CTNNBL1: variants seen among roughly 807,000 people sequenced by gnomAD.
CTNNBL1 encodes beta-catenin-like protein 1.
In CTNNBL1, 31 loss-of-function variants were observed where a neutral mutation model predicts 72.7. The ratio of observed to expected loss-of-function variants is 0.43; its 90% CI spans 0.32 to 0.58. The LOEUF (loss-of-function observed/expected upper bound fraction) is 0.58. CTNNBL1 is among the 20% of genes least tolerant of loss of function. The pLI is 0.08. For missense variants in CTNNBL1, 534 were observed against 725.1 expected (o/e 0.74, Z 3.03); for synonymous variants, 240 against 267.3 (o/e 0.90, Z 1.00).
intron 11 of CTNNBL1, among the ~76,000 whole-genome samples, chr20:37,815,103 G>GTGTT (rs1568793184): frequency 6.6e-6 from 1 of 151,784 alleles, no homozygotes; most frequent in Non-Finnish European, 1.5e-5. Flanking sequence ...GTGTGTGTGT[G>GTGTT]TGTAATTTTG....
In CTNNBL1 at chr20:37,788,198, C is replaced by G. The variant is rs562237291; in HGVS notation, c.1031+8863C>G. Among the ~76,000 whole-genome samples the G allele has an allele frequency of 5.3e-5, 8 of 152,316 alleles. No individual in the cohort carries two copies. In the East Asian group the frequency reaches 1.5e-3, roughly 29 times the overall value. ...ATCCTTTGCTGCCTCTGTCAGAGCA[C>G]TTTCTGCACCATGCATGGTAAGTTG... is the stretch of plus-strand genomic sequence containing the variant. On this transcript the variant is annotated intron_variant, in intron 10 of 15. Coordinates refer to ENST00000361383, the MANE Select transcript of CTNNBL1 (RefSeq NM_030877.5).
rs554958069 is a variant in CTNNBL1 at position 37,720,411 on chromosome 20, G to A, written c.31-12468G>A. Among the ~76,000 whole-genome samples the A allele has an allele frequency of 2.0e-5, 3 of 152,112 alleles. No homozygotes were observed. The East Asian group carries it at 5.8e-4, about 29-fold the overall frequency. ...TAGGCTATTGCAATCCTCTTGCTTT[G>A]GCCTCCCAGATTGCTAAGATTACTG... On this transcript the variant is annotated intron_variant, in intron 1 of 15. Coordinates refer to ENST00000361383, the MANE Select transcript of CTNNBL1 (RefSeq NM_030877.5).
chr20:37,863,052 A>C (rs1322764694), intron 15 of CTNNBL1, among the ~76,000 whole-genome samples: 2 of 152,202 alleles, frequency 1.3e-5, no homozygotes, highest in Non-Finnish European at 2.9e-5. Flanking sequence ...AATGCCAAGC[A>C]AATAATGGGA....
intron 10 of CTNNBL1, among the ~76,000 whole-genome samples, chr20:37,795,203 C>T (rs369336479): frequency 1.2e-3 from 187 of 150,968 alleles, no homozygotes; most frequent in African/African-American, 4.4e-3. Context: ...GATGCAGTCT[C>T]AGCTCACTGA....
rs1163447104 is a variant in CTNNBL1, at chr20:37,805,396, GT to G, written c.1213+2359del. On this transcript the variant is annotated intron_variant, in intron 11 of 15. Coordinates refer to ENST00000361383, the MANE Select transcript of CTNNBL1 (RefSeq NM_030877.5). ...TCCTTAGTCCTTAGTTTTGTTTTTT[GT>G]TTTTTTTTTTCCTTTTTTTTTTTTT... 3.4e-3 allele frequency among the ~76,000 whole-genome samples: 451 copies of G among 132,078 alleles called. 4 individuals are homozygous for G. The highest frequency in any genetic ancestry group is 0.011 in the African/African-American group (384 of 35,416). 86.6% of individuals were successfully genotyped at this position (132,078 alleles called of 152,430 possible). A position where few individuals can be genotyped will look rare whatever the true frequency, so the allele number is the denominator to read the frequency against.
chr20:37,735,066 G>A (rs2073160468), intron 2 of CTNNBL1, among the ~76,000 whole-genome samples: 1 of 152,244 alleles, frequency 6.6e-6, no homozygotes, highest in Non-Finnish European at 1.5e-5. Context: ...CTAGTGGTAT[G>A]TTGGGTACAT....
intron 15 of CTNNBL1, among the ~76,000 whole-genome samples, chr20:37,869,825 C>A (rs779709537): frequency 6.6e-6 from 1 of 152,150 alleles, no homozygotes; most frequent in Non-Finnish European, 1.5e-5. Context: ...CCCAAGGGCA[C>A]AGTTGTGAGT....
chr20:37,778,536 T>G (rs1039089181), intron 9 of CTNNBL1, among the ~76,000 whole-genome samples: 1 of 152,196 alleles, frequency 6.6e-6, no homozygotes, highest in Non-Finnish European at 1.5e-5. Context: ...TGTATGGGTA[T>G]GCATATACAG....
chr20:37,794,659 A>ATT (rs151203828), intron 10 of CTNNBL1, among the ~76,000 whole-genome samples: 2 of 143,694 alleles, frequency 1.4e-5, no homozygotes, highest in Non-Finnish European at 1.5e-5. Context: ...CACCTGGCTA[A>ATT]TTTTTTTTTT....
intron 1 of CTNNBL1, among the ~76,000 whole-genome samples, chr20:37,705,389 C>T (rs2072876498): frequency 6.6e-6 from 1 of 152,116 alleles, no homozygotes; most frequent in Admixed American, 6.5e-5. Flanking sequence ...ATAGTGAGTG[C>T]CCAGTAAGTG....
chr20:37,788,573 G>A (rs2073698065), intron 10 of CTNNBL1, among the ~76,000 whole-genome samples: 1 of 152,218 alleles, frequency 6.6e-6, no homozygotes, highest in South Asian at 2.1e-4. Flanking sequence ...AGGCTCAGGG[G>A]AGGCTAGGAG....
intron 10 of CTNNBL1, among the ~76,000 whole-genome samples, chr20:37,791,608 A>ATATATATCTATATATATTATAT (rs2073726548): frequency 6.6e-6 from 1 of 152,196 alleles, no homozygotes; most frequent in Admixed American, 6.5e-5. Flanking sequence ...TTTATATCAG[A>ATATATATCTATATATATTATAT]GGTTACCCCC....
chr20:37,864,038 G>A (rs540071939), intron 15 of CTNNBL1, among the ~76,000 whole-genome samples: 7 of 152,122 alleles, frequency 4.6e-5, no homozygotes, highest in Non-Finnish European at 1.0e-4. Flanking sequence ...TGAACAGGGT[G>A]CTGCAAGGAC....
chr20:37,751,502 A>G (rs1600463669), intron 4 of CTNNBL1: 1 of 152,240 alleles, frequency 6.6e-6, no homozygotes, highest in East Asian at 1.9e-4. Flanking sequence ...AGGAGAACTT[A>G]CAGAGTTGTC....
chr20:37,827,896 C>T (rs1040848145), intron 11 of CTNNBL1, among the ~76,000 whole-genome samples: 9 of 152,146 alleles, frequency 5.9e-5, no homozygotes, highest in African/African-American at 2.2e-4. Context: ...TCACCTTCCA[C>T]CTTATTGCCC....
At chr20:37,701,191 C>A (rs1329956302) in intron 1 of CTNNBL1, among the ~76,000 whole-genome samples, 3 of 152,084 alleles carry the variant, frequency 2.0e-5, no homozygotes, top group African/African-American at 7.2e-5. Context: ...TTCTACATCT[C>A]CTTCATGTTA....
chr20:37,731,554 T>G (rs917621424), intron 1 of CTNNBL1, among the ~76,000 whole-genome samples: 8 of 152,136 alleles, frequency 5.3e-5, no homozygotes, highest in Admixed American at 1.3e-4. Context: ...CTTATACTCT[T>G]TAGTCAACAT....
At chr20:37,780,181 T>C (rs2073614581) in intron 10 of CTNNBL1, among the ~76,000 whole-genome samples, 1 of 150,836 alleles carries the variant, frequency 6.6e-6, no homozygotes, top group Non-Finnish European at 1.5e-5. Flanking sequence ...AAAAAAGAAA[T>C]GGAGCCAGAG....
chr20:37,832,181 G>A (rs1182700934), intron 11 of CTNNBL1: 2 of 152,190 alleles, frequency 1.3e-5, no homozygotes, highest in East Asian at 1.9e-4. Context: ...AACAAATCTT[G>A]AGTTAGAGAA....
Sources: gnomAD v4.1 joint callset for allele counts (sites outside exome capture counted in the v4.1 genomes callset) on GRCh38, gnomAD v4.1.1 for gene constraint, MANE v1.5 for transcripts, NCBI Gene and HGNC (gene_info 2026-07-23, HGNC 2026-07-21) for gene names.